The following ZC3H12B variants were observed in gnomAD, a reference collection of about 807,000 sequenced individuals.
ZC3H12B encodes the protein probable ribonuclease ZC3H12B.
ZC3H12B carries 7 observed loss-of-function variants against 43.9 expected under a neutral mutation model. The ratio of observed to expected loss-of-function variants is 0.16; its 90% CI spans 0.09 to 0.30. ZC3H12B has a LOEUF of 0.30. Ranked by LOEUF, ZC3H12B falls within the 10% of genes least tolerant of loss-of-function variation. The probability of loss-of-function intolerance (pLI) is 1.00; values close to 1 mark genes in which losing one functional copy is unlikely to be tolerated. For synonymous variants in ZC3H12B, 222 were observed against 241.7 expected (o/e 0.92, Z 0.76); for missense variants, 475 against 670.2 (o/e 0.71, Z 3.22).
the ZC3H12B span, among the ~76,000 whole-genome samples, chrX:65,119,786 T>C: frequency 6.3e-5 from 7 of 111,956 alleles, no homozygotes; most frequent in South Asian, 3.7e-4. Context: ...TTAGGTCTAA[T>C]ATTTAAGTCT....
chrX:65,481,395 A>T (rs1381660240), intron 3 of ZC3H12B, among the ~76,000 whole-genome samples: 1 of 111,802 alleles, frequency 8.9e-6, no homozygotes, highest in East Asian at 2.8e-4. Flanking sequence ...TTATTTTAGA[A>T]CCCTCAGCAC....
chrX:65,360,163 A>G, the ZC3H12B span, among the ~76,000 whole-genome samples: 1 of 112,586 alleles, frequency 8.9e-6, no homozygotes, highest in African/African-American at 3.2e-5. Context: ...GAGTGTAAAC[A>G]TAACTTTTAA....
the ZC3H12B span, among the ~76,000 whole-genome samples, chrX:65,340,231 A>C: frequency 8.9e-6 from 1 of 111,901 alleles, no homozygotes; most frequent in Non-Finnish European, 1.9e-5. Context: ...CAGAACAACC[A>C]CTTACACAGT....
the ZC3H12B span, among the ~76,000 whole-genome samples, chrX:65,221,721 A>T: frequency 9.0e-6 from 1 of 111,336 alleles, no homozygotes; most frequent in African/African-American, 3.3e-5. Context: ...CAACAAAAAA[A>T]AATCCAGGAC....
chrX:65,283,711 A>C, the ZC3H12B span, among the ~76,000 whole-genome samples: 1 of 111,390 alleles, frequency 9.0e-6, no homozygotes, highest in East Asian at 2.8e-4. Context: ...CTGACACAGA[A>C]GCCGCTAAAG....
chrX:65,472,228 G>A (rs1198616795), intron 3 of ZC3H12B, among the ~76,000 whole-genome samples: 1 of 111,462 alleles, frequency 9.0e-6, no homozygotes, highest in East Asian at 2.8e-4. Flanking sequence ...TTTTTAAATT[G>A]AGTTATTTAT....
At chrX:65,098,665 G>T in the ZC3H12B span, among the ~76,000 whole-genome samples, 1 of 110,607 alleles carries the variant, frequency 9.0e-6, no homozygotes, top group Admixed American at 9.7e-5. Flanking sequence ...CCCTTCTTCA[G>T]CCAAGGGAAG....
the ZC3H12B span, among the ~76,000 whole-genome samples, chrX:65,237,097 T>C: frequency 2.9e-4 from 33 of 112,015 alleles, no homozygotes; most frequent in African/African-American, 1.1e-3. Context: ...GTCAATGGTA[T>C]TTTAGTGGGA....
At chrX:65,242,490 A>G in the ZC3H12B span, among the ~76,000 whole-genome samples, 1 of 112,464 alleles carries the variant, frequency 8.9e-6, no homozygotes, top group Non-Finnish European at 1.9e-5. Context: ...ATTAAAGAGG[A>G]CATAAAAATG....
chrX:65,308,618 C>G, the ZC3H12B span, among the ~76,000 whole-genome samples: 17 of 111,646 alleles, frequency 1.5e-4, no homozygotes, highest in South Asian at 6.0e-3. Flanking sequence ...GACTTGAACT[C>G]AGCTCTGCAC....
At chrX:65,109,578 T>A in the ZC3H12B span, among the ~76,000 whole-genome samples, 1 of 112,008 alleles carries the variant, frequency 8.9e-6, no homozygotes. Flanking sequence ...GTACTACATG[T>A]AGTTTATCCA....
the ZC3H12B span, among the ~76,000 whole-genome samples, chrX:65,143,470 T>C: frequency 1.2e-4 from 13 of 111,374 alleles, no homozygotes; most frequent in Admixed American, 1.2e-3. Context: ...TTTTTTAATA[T>C]TGTTTATGTG....
chrX:65,422,518 T>C (rs1057361608), intron 3 of ZC3H12B, among the ~76,000 whole-genome samples: 1 of 107,722 alleles, frequency 9.3e-6, no homozygotes, highest in Non-Finnish European at 1.9e-5. Context: ...GATATTTGAT[T>C]AAACATTTTT....
At chrX:65,259,273 A>C in the ZC3H12B span, among the ~76,000 whole-genome samples, 3 of 111,903 alleles carry the variant, frequency 2.7e-5, no homozygotes, top group African/African-American at 9.7e-5. Flanking sequence ...ACCTACAACC[A>C]TCCAAACTTC....
chrX:65,301,421 G>T, the ZC3H12B span, among the ~76,000 whole-genome samples: 1 of 111,095 alleles, frequency 9.0e-6, no homozygotes, highest in South Asian at 3.8e-4. Flanking sequence ...GCAAAAATAT[G>T]GAACCAGCTC....
intron 3 of ZC3H12B, among the ~76,000 whole-genome samples, chrX:65,432,400 CT>C (rs1375569264): frequency 9.0e-6 from 1 of 111,625 alleles, no homozygotes; most frequent in Non-Finnish European, 1.9e-5. Context: ...TTCTAAAGGC[CT>C]GCACAGCAAA....
At chrX:65,358,314 G>A in the ZC3H12B span, among the ~76,000 whole-genome samples, 283 of 111,256 alleles carry the variant, frequency 2.5e-3, 1 homozygote, top group South Asian at 0.015. Flanking sequence ...ACTTAAACTC[G>A]GCTCTGGACC....
intron 2 of ZC3H12B, among the ~76,000 whole-genome samples, chrX:65,382,181 A>C (rs929123672): frequency 1.8e-5 from 2 of 111,243 alleles, no homozygotes; most frequent in East Asian, 5.6e-4. Context: ...ATGCTTGATG[A>C]ACATTGATGC....
the ZC3H12B span, among the ~76,000 whole-genome samples, chrX:65,041,561 A>G: frequency 8.9e-6 from 1 of 112,358 alleles, no homozygotes; most frequent in African/African-American, 3.2e-5. Flanking sequence ...AAATTGAGGT[A>G]GGTTATGGTA....
Sources: allele counts gnomAD v4.1 joint callset (sites outside exome capture counted in the v4.1 genomes callset), GRCh38; gene constraint gnomAD v4.1.1; transcripts MANE v1.5; gene names NCBI Gene and HGNC (gene_info 2026-07-23, HGNC 2026-07-21).